Variants in MCUB observed in about 807,000 individuals in gnomAD.
MCUB encodes calcium uniporter regulatory subunit MCUb, mitochondrial.
MCUB carries 46 observed loss-of-function variants against 41.4 expected under a neutral mutation model. The observed-to-expected ratio is 1.11, with a 90% CI of 0.88 to 1.42. The LOEUF (loss-of-function observed/expected upper bound fraction) is 1.42. MCUB is among the 40% of genes most tolerant of loss of function. MCUB has a pLI of 0.00. For missense variants in MCUB, 403 were observed against 404.9 expected (o/e 1.00, Z 0.04); for synonymous variants, 148 against 148.2 (o/e 1.00, Z 0.01).
intron 1 of MCUB, among the ~76,000 whole-genome samples, chr4:109,588,147 T>C (rs963061206): frequency 6.6e-6 from 1 of 152,246 alleles, no homozygotes; most frequent in Admixed American, 6.5e-5. Context: ...TATGATGGCC[T>C]CTTCACATTA....
At chr4:109,649,155 TC>T (rs56839186) in intron 1 of MCUB, among the ~76,000 whole-genome samples, 3,363 of 152,276 alleles carry the variant, frequency 0.022, 114 homozygotes, top group African/African-American at 0.077. Flanking sequence ...ACAACTTCTG[TC>T]CTTTTAACTG....
chr4:109,627,505 TGTA>T (rs1040880815), intron 1 of MCUB, among the ~76,000 whole-genome samples: 22 of 152,316 alleles, frequency 1.4e-4, no homozygotes, highest in African/African-American at 5.3e-4. Context: ...CACATTATCT[TGTA>T]GTTGTTTATA....
chr4:109,672,880 TC>T (rs1729490471), intron 4 of MCUB, among the ~76,000 whole-genome samples: 2 of 152,232 alleles, frequency 1.3e-5, no homozygotes, highest in South Asian at 4.1e-4. Flanking sequence ...AGAAAGATGA[TC>T]CAGGTTGACC....
intron 1 of MCUB, among the ~76,000 whole-genome samples, chr4:109,616,897 A>G (rs2126134719): frequency 6.6e-6 from 1 of 152,264 alleles, no homozygotes; most frequent in Middle Eastern, 3.4e-3. Flanking sequence ...GTTAGTGTTC[A>G]TGGATTTCTG....
At position 109,572,951 on chromosome 4, in the gene MCUB, G is replaced by A. The variant is rs553567763; in HGVS notation, c.99+12515G>A. 1.3e-3 allele frequency among the ~76,000 whole-genome samples: 195 copies of A among 152,160 alleles called. 1 individual carries two copies. Among genetic ancestry groups the A allele is most frequent in the African/African-American group, 4.3e-3 (177 of 41,500 alleles). On this transcript the variant is annotated intron_variant, in intron 1 of 7. Coordinates refer to ENST00000394650, the MANE Select transcript of MCUB (RefSeq NM_017918.5). ...TTGTCCAAAGTGCTATTTATAATAT[G>A]TACATATATGTAGTATTGGAAGTAT...
intron 1 of MCUB, among the ~76,000 whole-genome samples, chr4:109,633,941 A>G (rs1728531866): frequency 6.8e-6 from 1 of 146,296 alleles, no homozygotes; most frequent in Admixed American, 7.1e-5. Context: ...GCTCTATTAC[A>G]CTTTATTTAT....
At chr4:109,629,767 C>G (rs1728435150) in intron 1 of MCUB, among the ~76,000 whole-genome samples, 1 of 152,182 alleles carries the variant, frequency 6.6e-6, no homozygotes, top group Admixed American at 6.5e-5. Context: ...GATGCCATTC[C>G]CCCGGAGCAT....
In MCUB at chr4:109,614,846, A is replaced by G. The variant is rs540014601; in HGVS notation, c.100-44165A>G. Among the ~76,000 whole-genome samples the G allele has an allele frequency of 2.6e-5, 4 of 152,160 alleles. No homozygotes were observed. The East Asian group carries it at 7.7e-4, about 29-fold the overall frequency. On this transcript the variant is annotated intron_variant, in intron 1 of 7. Transcript: ENST00000394650. The stretch of plus-strand genomic sequence containing the variant: ...TGTACAAGTCCAAGTCTTTGTAACA[A>G]ATCTTTATATAGTCACTCATACGCA...
At chr4:109,603,114 C>G (rs1381568495) in intron 1 of MCUB, among the ~76,000 whole-genome samples, 1 of 152,216 alleles carries the variant, frequency 6.6e-6, no homozygotes, top group Admixed American at 6.5e-5. Context: ...TCCATAGTCT[C>G]TGTCTGCCGC....
At chr4:109,629,760 G>T (rs185288480) in intron 1 of MCUB, among the ~76,000 whole-genome samples, 14 of 152,352 alleles carry the variant, frequency 9.2e-5, no homozygotes, top group African/African-American at 3.1e-4. Context: ...CTCTGGGGAT[G>T]CCATTCCCCC....
chr4:109,631,058 C>A (rs1367310035), intron 1 of MCUB, among the ~76,000 whole-genome samples: 1 of 152,154 alleles, frequency 6.6e-6, no homozygotes, highest in Non-Finnish European at 1.5e-5. Flanking sequence ...ACCTTTTCTG[C>A]CTAGATACTC....
chr4:109,613,127 A>G (rs1003176903), intron 1 of MCUB, among the ~76,000 whole-genome samples: 3 of 152,166 alleles, frequency 2.0e-5, no homozygotes, highest in Admixed American at 2.0e-4. Flanking sequence ...AAAAGAATAC[A>G]GGAATTAAAA....
intron 1 of MCUB, among the ~76,000 whole-genome samples, chr4:109,637,514 A>G (rs1728621267): frequency 6.6e-6 from 1 of 152,386 alleles, no homozygotes; most frequent in East Asian, 1.9e-4. Flanking sequence ...CCATCAATCA[A>G]CAAGTGAATA....
At chr4:109,669,920 A>G (rs1729418418) in intron 4 of MCUB, among the ~76,000 whole-genome samples, 1 of 152,014 alleles carries the variant, frequency 6.6e-6, no homozygotes, top group African/African-American at 2.4e-5. Context: ...CTGTTCTTGC[A>G]TGTTATCTAC....
intron 1 of MCUB, among the ~76,000 whole-genome samples, chr4:109,643,020 C>T (rs1728755337): frequency 6.6e-6 from 1 of 150,676 alleles, no homozygotes; most frequent in Non-Finnish European, 1.5e-5. Context: ...GTCTCAAACT[C>T]CTGACCTGGT....
In MCUB at chr4:109,670,630, C is replaced by T. The variant is rs375792332; in HGVS notation, c.451+6236C>T. ...ACTCGGGAGGCTGAGGCAGGAGAAT[C>T]GCTTGAACCCGGAAGGCGGAAGCTG... On this transcript the variant is annotated intron_variant, in intron 4 of 7. Coordinates refer to ENST00000394650, the MANE Select transcript of MCUB (RefSeq NM_017918.5). Among the ~76,000 whole-genome samples, 32 of 151,810 alleles carry T rather than the reference C, an allele frequency of 2.1e-4. No homozygotes were observed. In the East Asian group the frequency reaches 3.1e-3, roughly 15 times the overall value.
At chr4:109,673,859 G>A (rs1729513397) in intron 4 of MCUB, 3 of 765,632 alleles carry the variant, frequency 3.9e-6, no homozygotes, top group African/African-American at 3.4e-5. Context: ...GCAGACACAG[G>A]TGTTTCTCTT....
intron 4 of MCUB, among the ~76,000 whole-genome samples, chr4:109,672,222 G>T (rs1267864636): frequency 2.0e-5 from 3 of 152,172 alleles, no homozygotes; most frequent in Admixed American, 6.5e-5. Flanking sequence ...GCCAGATAAG[G>T]CTCTGGTAAA....
At chr4:109,643,384 T>C (rs1362661094) in intron 1 of MCUB, among the ~76,000 whole-genome samples, 1 of 151,246 alleles carries the variant, frequency 6.6e-6, no homozygotes, top group African/African-American at 2.4e-5. Flanking sequence ...GGGGTTTCAG[T>C]ATGTTGGCCA....
Sources: gnomAD v4.1 joint callset for allele counts (sites outside exome capture counted in the v4.1 genomes callset) on GRCh38, gnomAD v4.1.1 for gene constraint, MANE v1.5 for transcripts, NCBI Gene and HGNC (gene_info 2026-07-23, HGNC 2026-07-21) for gene names.